The following AMD1 variants were observed in gnomAD, a reference collection of about 807,000 sequenced individuals.
The protein encoded by AMD1 is S-adenosylmethionine decarboxylase proenzyme.
A neutral mutation model predicts 40.2 loss-of-function variants in AMD1; 11 were observed. The observed-to-expected ratio is 0.27, with a 90% CI of 0.17 to 0.45. The LOEUF is 0.45. AMD1 is among the 20% of genes least tolerant of loss of function. The probability of loss-of-function intolerance (pLI) is 1.00; values close to 1 mark genes in which losing one functional copy is unlikely to be tolerated. For missense variants in AMD1, 257 were observed against 410.2 expected, an observed-to-expected ratio of 0.63 and a Z score of 3.23; for synonymous variants, 121 against 130.8, an observed-to-expected ratio of 0.93 and a Z score of 0.51.
the AMD1 span, among the ~76,000 whole-genome samples, chr6:110,845,024 G>A: frequency 4.0e-5 from 6 of 150,966 alleles, no homozygotes; most frequent in Non-Finnish European, 7.4e-5. Flanking sequence ...AGTGAGGAGG[G>A]AGGTGCCACA....
chr6:110,878,745 A>G (rs1785240187), intron 1 of AMD1, among the ~76,000 whole-genome samples: 1 of 152,188 alleles, frequency 6.6e-6, no homozygotes, highest in Non-Finnish European at 1.5e-5. Flanking sequence ...AATCTGTTAG[A>G]AAATAGAAAA....
chr6:110,872,327 G>C (rs1391882031), upstream of AMD1, among the ~76,000 whole-genome samples: 1 of 152,122 alleles, frequency 6.6e-6, no homozygotes, highest in African/African-American at 2.4e-5. Flanking sequence ...TTTAAAATTT[G>C]AGTAAGATCT....
upstream of AMD1, among the ~76,000 whole-genome samples, chr6:110,872,275 C>T (rs12203647): frequency 0.036 from 5,423 of 152,064 alleles, 127 homozygotes; most frequent in Middle Eastern, 0.071. Flanking sequence ...CAGAGAAATT[C>T]GGTGATAACT....
At chr6:110,889,660 T>C (rs555000266) in intron 3 of AMD1, 2 of 152,458 alleles carry the variant, frequency 1.3e-5, no homozygotes, top group South Asian at 2.1e-4. Context: ...TTGGCCAGGC[T>C]GGTCTCTTAA....
At chr6:110,887,050 A>G (rs1014276002) in intron 1 of AMD1, among the ~76,000 whole-genome samples, 7 of 152,182 alleles carry the variant, frequency 4.6e-5, no homozygotes, top group African/African-American at 1.7e-4. Flanking sequence ...TGTGAGTGCT[A>G]TAAGAGTAAC....
chr6:110,832,010 AT>A, the AMD1 span, among the ~76,000 whole-genome samples: 15,600 of 128,174 alleles, frequency 0.12, 1,289 homozygotes, highest in East Asian at 0.31. Flanking sequence ...TGCCTGGCTA[AT>A]TTTTTTTTTT....
the AMD1 span, among the ~76,000 whole-genome samples, chr6:110,852,755 G>GT: frequency 2.5e-4 from 38 of 152,214 alleles, 2 homozygotes; most frequent in East Asian, 1.7e-3. Context: ...CAATATCAGC[G>GT]TAAGAGTCAA....
chr6:110,887,901 G>A (rs55907045), intron 2 of AMD1, among the ~76,000 whole-genome samples: 5,395 of 152,208 alleles, frequency 0.035, 127 homozygotes, highest in Middle Eastern at 0.071. Flanking sequence ...GGCCAGGCTG[G>A]TCTTGAACTC....
the AMD1 span, among the ~76,000 whole-genome samples, chr6:110,850,390 G>C: frequency 6.6e-6 from 1 of 152,086 alleles, no homozygotes. Flanking sequence ...CTCCCTTGCC[G>C]GTGAAAACAG....
At chr6:110,886,525 C>CAA (rs1298442163) in intron 1 of AMD1, among the ~76,000 whole-genome samples, 1 of 152,132 alleles carries the variant, frequency 6.6e-6, no homozygotes, top group Non-Finnish European at 1.5e-5. Flanking sequence ...AGGCTGGTCT[C>CAA]AAACTCCTGA....
At chr6:110,819,213 C>T in the AMD1 span, among the ~76,000 whole-genome samples, 2 of 152,050 alleles carry the variant, frequency 1.3e-5, no homozygotes, top group African/African-American at 4.8e-5. Flanking sequence ...CAAAATGAGC[C>T]GGGCGTGGTG....
Position 110,892,702 on chromosome 6 carries a change from C to T in AMD1, c.616-33C>T, listed in dbSNP as rs1316598516. On this transcript the variant is annotated intron_variant, in intron 6 of 8. Coordinates refer to ENST00000368885, the MANE Select transcript of AMD1 (RefSeq NM_001634.6). Reference sequence around the variant, plus strand: ...ACTCAATTGAAGTTTATTTGTCAAACCCTTGTTAAACTCGGTCTTTTTCCC... The same window carrying T: ...ACTCAATTGAAGTTTATTTGTCAAATCCTTGTTAAACTCGGTCTTTTTCCC... 3.2e-6 allele frequency: 5 copies of T among 1,579,696 alleles called. No individual in the cohort carries two copies. In the African/African-American group the frequency reaches 4.6e-5, roughly 15 times the overall value.
rs931339622 is a variant in AMD1 at position 110,880,247 on chromosome 6, G to C, written c.110+5032G>C. The stretch of plus-strand genomic sequence containing the variant: ...GTCCATTTTTTAATCACTTTTTGTT[G>C]AGTTGTGTGTAGGTGTGTCTTTTGC... On this transcript the variant is annotated intron_variant, in intron 1 of 8. Transcript: ENST00000368885. 2.0e-5 allele frequency among the ~76,000 whole-genome samples: 3 copies of C among 152,214 alleles called. No homozygotes were observed. In the South Asian group the frequency reaches 6.2e-4, roughly 32 times the overall value.
At chr6:110,814,634 G>A in the AMD1 span, 3 of 481,268 alleles carry the variant, frequency 6.2e-6, no homozygotes, top group Non-Finnish European at 1.2e-5. Context: ...CCCAGGGCCG[G>A]AGCGGCAACT....
chr6:110,826,271 CAAAA>C, the AMD1 span, among the ~76,000 whole-genome samples: 3 of 59,346 alleles, frequency 5.1e-5, no homozygotes, highest in Non-Finnish European at 9.0e-5. Flanking sequence ...GACACCATCC[CAAAA>C]AAAAAAAAAA....
chr6:110,860,864 CACACACAG>C, the AMD1 span, among the ~76,000 whole-genome samples: 4 of 149,708 alleles, frequency 2.7e-5, no homozygotes, highest in African/African-American at 1.0e-4. Context: ...CACACACACA[CACACACAG>C]AGAGAGAGAA....
chr6:110,885,913 A>G (rs1311933708), intron 1 of AMD1, among the ~76,000 whole-genome samples: 1 of 152,214 alleles, frequency 6.6e-6, no homozygotes, highest in Non-Finnish European at 1.5e-5. Flanking sequence ...CAAACGAATA[A>G]AAACATTTTG....
intron 3 of AMD1, 134 bp from the exon 4 acceptor site, chr6:110,890,120 G>T (rs1257040230): frequency 4.7e-6 from 3 of 643,954 alleles, no homozygotes; most frequent in Non-Finnish European, 7.8e-6. Flanking sequence ...ATGCTACCAT[G>T]CCAAGCTAAA....
At chr6:110,823,769 C>T in the AMD1 span, among the ~76,000 whole-genome samples, 1 of 151,974 alleles carries the variant, frequency 6.6e-6, no homozygotes, top group African/African-American at 2.4e-5. Context: ...ATCCCTTTTA[C>T]AATATCTGAA....
Sources: gnomAD v4.1 joint callset for allele counts (sites outside exome capture counted in the v4.1 genomes callset) on GRCh38, gnomAD v4.1.1 for gene constraint, MANE v1.5 for transcripts, NCBI Gene and HGNC (gene_info 2026-07-23, HGNC 2026-07-21) for gene names.